RNF217: variants seen among roughly 807,000 people sequenced by gnomAD.
RNF217 encodes the protein ring finger protein 217, also known as E3 ubiquitin-protein ligase RNF217.
In RNF217, 31 loss-of-function variants were observed where a neutral mutation model predicts 57.8. That is an observed-to-expected ratio of 0.54 (90% confidence interval 0.40 to 0.72). RNF217 has a LOEUF of 0.72. Ranked by LOEUF, RNF217 falls within the 30% of genes least tolerant of loss-of-function variation. The pLI is 0.00. For missense variants in RNF217, 696 were observed against 708.3 expected (o/e 0.98, Z 0.20); for synonymous variants, 313 against 294.0 (o/e 1.06, Z -0.66).
At chr6:124,995,475 C>T (rs961152313) in intron 1 of RNF217, among the ~76,000 whole-genome samples, 3 of 152,110 alleles carry the variant, frequency 2.0e-5, no homozygotes, top group African/African-American at 7.2e-5. Flanking sequence ...AAAATGAAAA[C>T]ATTCTTTGTA....
intron 1 of RNF217, chr6:125,006,210 G>GACTT (rs1785173190): frequency 6.6e-6 from 1 of 152,126 alleles, no homozygotes; most frequent in African/African-American, 2.4e-5. Context: ...AGATGTTTAT[G>GACTT]TTGCAATAAA....
chr6:125,018,456 A>G (rs1350099242), intron 1 of RNF217, among the ~76,000 whole-genome samples: 2 of 152,174 alleles, frequency 1.3e-5, no homozygotes, highest in Non-Finnish European at 2.9e-5. Context: ...AAAACATAGC[A>G]TCTTGTTTGT....
chr6:124,980,849 G>A (rs1302302537), intron 1 of RNF217, among the ~76,000 whole-genome samples: 1 of 152,134 alleles, frequency 6.6e-6, no homozygotes, highest in Non-Finnish European at 1.5e-5. Flanking sequence ...CATAAAACCA[G>A]TAGTATTTCA....
At chr6:125,038,204 G>A (rs777865329) in intron 1 of RNF217, among the ~76,000 whole-genome samples, 2 of 152,120 alleles carry the variant, frequency 1.3e-5, no homozygotes, top group African/African-American at 2.4e-5. Context: ...AAACTGAACA[G>A]CATCTTTTTC....
intron 1 of RNF217, among the ~76,000 whole-genome samples, chr6:125,028,267 T>C (rs1237071739): frequency 2.0e-5 from 3 of 152,126 alleles, no homozygotes; most frequent in African/African-American, 7.2e-5. Flanking sequence ...TCTGGGAGTA[T>C]GTACTCCCAA....
intron 1 of RNF217, among the ~76,000 whole-genome samples, chr6:124,982,483 T>C (rs1351135203): frequency 1.3e-5 from 2 of 152,160 alleles, no homozygotes; most frequent in Admixed American, 1.3e-4. Flanking sequence ...ATGTGGTCAT[T>C]GGTACCTCAC....
intron 1 of RNF217, among the ~76,000 whole-genome samples, chr6:124,990,380 C>T (rs1168588528): frequency 6.6e-6 from 1 of 152,148 alleles, no homozygotes; most frequent in Non-Finnish European, 1.5e-5. Context: ...CATGGAACTC[C>T]AGACTTGTTT....
intron 1 of RNF217, among the ~76,000 whole-genome samples, chr6:124,966,705 G>A (rs1012058872): frequency 6.6e-6 from 1 of 152,126 alleles, no homozygotes; most frequent in Non-Finnish European, 1.5e-5. Flanking sequence ...GAATATTTTT[G>A]TAAAAGGAGA....
At chr6:125,066,358 C>G (rs187518801) in intron 3 of RNF217, among the ~76,000 whole-genome samples, 86 of 152,312 alleles carry the variant, frequency 5.6e-4, no homozygotes, top group Non-Finnish European at 1.1e-3. Flanking sequence ...CCGTCGCCCT[C>G]TGGACATGTC....
At chr6:125,067,437 A>T (rs1294428211) in intron 3 of RNF217, among the ~76,000 whole-genome samples, 1 of 152,176 alleles carries the variant, frequency 6.6e-6, no homozygotes, top group Non-Finnish European at 1.5e-5. Context: ...GAACTAGGCC[A>T]GTTGTCAAAG....
chr6:125,032,052 C>T (rs764274545), intron 1 of RNF217, among the ~76,000 whole-genome samples: 3 of 152,108 alleles, frequency 2.0e-5, no homozygotes, highest in Non-Finnish European at 4.4e-5. Context: ...CATCAGATCT[C>T]GTGAGACTTA....
At chr6:125,038,367 A>G (rs1786733956) in intron 1 of RNF217, among the ~76,000 whole-genome samples, 1 of 152,186 alleles carries the variant, frequency 6.6e-6, no homozygotes, top group Non-Finnish European at 1.5e-5. Flanking sequence ...TTGTAGATAT[A>G]TGGTATCATG....
intron 1 of RNF217, among the ~76,000 whole-genome samples, chr6:125,016,749 A>G (rs1785619141): frequency 6.6e-6 from 1 of 151,222 alleles, no homozygotes; most frequent in African/African-American, 2.4e-5. Flanking sequence ...ACACGTGGAC[A>G]CAGGGAGGGG....
intron 2 of RNF217, among the ~76,000 whole-genome samples, chr6:125,056,941 A>ACACGTGCACTGTCATATACCCCTC: frequency 6.6e-6 from 1 of 152,244 alleles, no homozygotes; most frequent in Non-Finnish European, 1.5e-5. Flanking sequence ...TATTAAACTT[A>ACACGTGCACTGTCATATACCCCTC]CACGTGCACT....
At chr6:125,046,585 G>GTTT in intron 2 of RNF217, 1 of 455,896 alleles carries the variant, frequency 2.2e-6, no homozygotes, top group Non-Finnish European at 4.4e-6. Context: ...TGTGGCAGTA[G>GTTT]TTTTCATCCT....
At chr6:124,981,389 G>A (rs917327954) in intron 1 of RNF217, among the ~76,000 whole-genome samples, 5 of 152,120 alleles carry the variant, frequency 3.3e-5, no homozygotes, top group African/African-American at 7.2e-5. Flanking sequence ...CAAGGTGGTC[G>A]GGGTACAGCT....
chr6:124,968,431 T>C (rs1384016422), intron 1 of RNF217, among the ~76,000 whole-genome samples: 1 of 152,196 alleles, frequency 6.6e-6, no homozygotes, highest in African/African-American at 2.4e-5. Context: ...CTCTACATCA[T>C]TTCTCTTTAA....
Position 125,084,909 on chromosome 6 carries a change from T to G in RNF217, c.*1972T>G, listed in dbSNP as rs1326710087. On this transcript the variant is annotated 3_prime_UTR_variant, in exon 6 of 6. Transcript: ENST00000521654. The stretch of plus-strand genomic sequence containing the variant: ...ACTGAAAGAAGGAGAATTTCTAACC[T>G]GTCATAAGAGTAAGGTTTCGTAAAT... 1 of 151,906 alleles carries G rather than the reference T, an allele frequency of 6.6e-6. No individual in the cohort carries two copies. Among genetic ancestry groups the G allele is most frequent in the African/African-American group, 2.4e-5 (1 of 41,436 alleles). The allele number at this position is 151,906 out of a possible 1,614,324, so 9.4% of individuals were successfully genotyped here.
intron 2 of RNF217, among the ~76,000 whole-genome samples, chr6:125,057,327 A>G (rs1222718603): frequency 6.6e-6 from 1 of 152,158 alleles, no homozygotes; most frequent in Non-Finnish European, 1.5e-5. Flanking sequence ...GATTACAAGC[A>G]TGCACCAACA....
Sources: gnomAD v4.1 joint callset for allele counts (sites outside exome capture counted in the v4.1 genomes callset) on GRCh38, gnomAD v4.1.1 for gene constraint, MANE v1.5 for transcripts, NCBI Gene and HGNC (gene_info 2026-07-23, HGNC 2026-07-21) for gene names.